HERC1: variants seen among roughly 807,000 people sequenced by gnomAD.
The protein encoded by HERC1 is HECT and RLD domain containing E3 ubiquitin protein ligase family member 1, also known as probable E3 ubiquitin-protein ligase HERC1.
A neutral mutation model predicts 554.3 loss-of-function variants in HERC1; 160 were observed. The ratio of observed to expected loss-of-function variants is 0.29; its 90% CI spans 0.25 to 0.33. HERC1 has a LOEUF of 0.33. HERC1 is among the 10% of genes least tolerant of loss of function. The pLI, the probability that HERC1 is intolerant of heterozygous loss-of-function variation, is 1.00. For missense variants in HERC1, 4,919 were observed against 5,918.5 expected (o/e 0.83, Z 5.54); for synonymous variants, 2,175 against 2,131.7 (o/e 1.02, Z -0.56).
rs1021647247 is a variant in HERC1, at chr15:63,688,932, T to C, written c.6048+657A>G. ...AGACACCCAGGCTAGCATTTAAGTT[T>C]GGAAGGCACTGCAGAGTGATCTTTT... On this transcript the variant is annotated intron_variant, in intron 33 of 77. Coordinates refer to ENST00000443617, the MANE Select transcript of HERC1 (RefSeq NM_003922.4). 2.0e-5 allele frequency among the ~76,000 whole-genome samples: 3 copies of C among 152,274 alleles called. No homozygotes were observed. In the South Asian group the frequency reaches 6.2e-4, roughly 32 times the overall value.
rs2071765477 is a variant in HERC1, at chr15:63,686,375, C to T, written c.6209G>A (p.Gly2070Glu). The change falls in exon 34 of 78, where the codon GGG (glycine) becomes GAG (glutamate). Residue 2070 changes from glycine (G) to glutamate (E), a missense_variant. Gly to Glu is a moderately conservative substitution (Grantham distance 98). Coordinates refer to ENST00000443617, the MANE Select transcript of HERC1 (RefSeq NM_003922.4). ...YGLASTGVTS[G>E]CYQWKFYIVK... ...TCTACGTACCTTCCACTGATAGCAC[C>T]CAGAAGTTACTCCTGTAGATGCCAA... is the stretch of plus-strand genomic sequence containing the variant. 2.2e-5 allele frequency: 35 copies of T among 1,607,890 alleles called. No individual in the cohort carries two copies. The highest frequency in any genetic ancestry group is 2.9e-5 in the Non-Finnish European group (34 of 1,177,986).
At chr15:63,771,596 T>C (rs2075959005) in intron 2 of HERC1, among the ~76,000 whole-genome samples, 1 of 151,882 alleles carries the variant, frequency 6.6e-6, no homozygotes, top group South Asian at 2.1e-4. Context: ...CATGCCTGGC[T>C]AATTTTTTTA....
chr15:63,628,536 G>A, intron 70 of HERC1, 141 bp downstream of exon 70: 2 of 850,944 alleles, frequency 2.4e-6, no homozygotes, highest in South Asian at 3.8e-5. Flanking sequence ...AGTGCTAGTA[G>A]CACAAAGAAT....
At chr15:63,688,466 C>T (rs956112319) in intron 33 of HERC1, among the ~76,000 whole-genome samples, 1 of 152,276 alleles carries the variant, frequency 6.6e-6, no homozygotes, top group Middle Eastern at 3.4e-3. Flanking sequence ...AATGCCAGAA[C>T]TTGAATTTAA....
chr15:63,677,970 A>C lies in HERC1; in HGVS notation c.6945T>G (p.Ala2315=). The change falls in exon 37 of 78, where the codon GCT becomes GCG. Residue 2315 remains alanine, a synonymous_variant. Transcript: ENST00000443617. The surrounding 1 kb of genome is among the most constrained non-coding windows in gnomAD (Gnocchi z 4.4). Reference sequence around the variant, plus strand: ...CACACCGACCTCCAACTCTAAGACCAGCATCAACTCCTCCTATCACAGCCA... The same window carrying C: ...CACACCGACCTCCAACTCTAAGACCCGCATCAACTCCTCCTATCACAGCCA... ...PVLAVIGGVD[A]GLRVGGRCVH... 6.2e-7 allele frequency: 1 copy of C among 1,614,000 alleles called. No individual in the cohort carries two copies. Among genetic ancestry groups the C allele is most frequent in the Non-Finnish European group, 8.5e-7 (1 of 1,179,890 alleles).
chr15:63,824,854 A>T (rs2077832064), intron 1 of HERC1, among the ~76,000 whole-genome samples: 1 of 152,156 alleles, frequency 6.6e-6, no homozygotes, highest in Non-Finnish European at 1.5e-5. Context: ...GAAAAAAAAA[A>T]AACACTAAAT....
chr15:63,800,832 A>T (rs2144752836), intron 1 of HERC1, among the ~76,000 whole-genome samples: 1 of 152,210 alleles, frequency 6.6e-6, no homozygotes, highest in Non-Finnish European at 1.5e-5. Context: ...TAATGAGGTG[A>T]CTCTTAGTGG....
intron 45 of HERC1, among the ~76,000 whole-genome samples, 186 bp downstream of exon 45, chr15:63,661,567 G>T (rs1393137157): frequency 3.9e-5 from 6 of 152,326 alleles, no homozygotes; most frequent in South Asian, 4.1e-4. Flanking sequence ...AGGATATGTT[G>T]CTATGCCATT....
chr15:63,821,382 AT>A (rs919944072), intron 1 of HERC1, among the ~76,000 whole-genome samples: 1 of 151,652 alleles, frequency 6.6e-6, no homozygotes, highest in Non-Finnish European at 1.5e-5. Context: ...GCAAAACCCC[AT>A]CTCTACTAAA....
At position 63,690,610 on chromosome 15, in the gene HERC1, A is replaced by G. The variant is rs761400639; in HGVS notation, c.5868T>C (p.Leu1956=). The change falls in exon 32 of 78, where the codon CTT becomes CTC. Residue 1956 remains leucine (L), a synonymous_variant. Transcript: ENST00000443617. ...GCACAGCTTCAAGGACATGAAGTGC[A>G]AGGAGCCTTGTTCTTAAGTTACCAA... ...PLVGNLRTRL[L]ALHVLEAVLP... The G allele has an allele frequency of 1.2e-6, 2 of 1,613,158 alleles. No homozygotes were observed. Among genetic ancestry groups the G allele is most frequent in the Non-Finnish European group, 8.5e-7 (1 of 1,179,230 alleles).
intron 1 of HERC1, among the ~76,000 whole-genome samples, chr15:63,790,697 TTA>T (rs989237545): frequency 1.3e-5 from 2 of 152,116 alleles, no homozygotes; most frequent in African/African-American, 4.8e-5. Flanking sequence ...ACTTTGTGTG[TTA>T]TGTTTCCCTT....
intron 50 of HERC1, among the ~76,000 whole-genome samples, chr15:63,655,105 G>A (rs986824846): frequency 6.6e-6 from 1 of 152,108 alleles, no homozygotes; most frequent in African/African-American, 2.4e-5. Flanking sequence ...TGTAATCTGA[G>A]GACTTTGGGA....
chr15:63,777,939 T>C (rs2143009379), intron 1 of HERC1, among the ~76,000 whole-genome samples: 1 of 152,346 alleles, frequency 6.6e-6, no homozygotes, highest in Admixed American at 6.5e-5. Context: ...AGTCCAATTT[T>C]ATTGTTTCCA....
intron 44 of HERC1, among the ~76,000 whole-genome samples, chr15:63,662,225 T>G (rs991337073): frequency 2.0e-5 from 3 of 152,108 alleles, no homozygotes; most frequent in African/African-American, 7.2e-5. Flanking sequence ...CTCACTCTAA[T>G]AAGTTATATC....
At chr15:63,665,513 G>A (rs1359317509) in intron 42 of HERC1, among the ~76,000 whole-genome samples, 3 of 151,964 alleles carry the variant, frequency 2.0e-5, no homozygotes, top group Non-Finnish European at 4.4e-5. Flanking sequence ...CCAGCCTGGC[G>A]ACAGAGCGAG....
intron 39 of HERC1, among the ~76,000 whole-genome samples, chr15:63,670,930 G>A (rs1056752472): frequency 6.6e-5 from 10 of 151,896 alleles, no homozygotes; most frequent in African/African-American, 2.2e-4. Context: ...GGCCAGGTGC[G>A]GTGGCTCACA....
At chr15:63,817,629 C>T (rs994259939) in intron 1 of HERC1, among the ~76,000 whole-genome samples, 1 of 152,132 alleles carries the variant, frequency 6.6e-6, no homozygotes, top group Admixed American at 6.5e-5. Context: ...GCACGAGAGT[C>T]GCTTGAACCC....
chr15:63,727,412 G>C lies in HERC1; in HGVS notation c.3346+235C>G, dbSNP rs2140850897. On this transcript the variant is annotated intron_variant, in intron 17 of 77. Coordinates refer to ENST00000443617, the MANE Select transcript of HERC1 (RefSeq NM_003922.4). The surrounding 1 kb of genome is among the most constrained non-coding windows in gnomAD (Gnocchi z 4.3). ...AACTGTATAATGTTAAAATAAGATA[G>C]GCCCTCAAGGTCATCTTTCCAACTC... is the stretch of plus-strand genomic sequence containing the variant. 6.6e-6 allele frequency among the ~76,000 whole-genome samples: 1 copy of C among 152,266 alleles called. No homozygotes were observed. The highest frequency in any genetic ancestry group is 1.9e-4 in the East Asian group (1 of 5,186).
intron 1 of HERC1, among the ~76,000 whole-genome samples, chr15:63,814,918 G>C (rs2077447182): frequency 6.6e-6 from 1 of 152,206 alleles, no homozygotes; most frequent in African/African-American, 2.4e-5. Flanking sequence ...ACTAATGTGA[G>C]CTATGATTAT....
Sources: allele counts gnomAD v4.1 joint callset (sites outside exome capture counted in the v4.1 genomes callset), GRCh38; gene constraint gnomAD v4.1.1; non-coding constraint Gnocchi (gnomAD v3.1); transcripts MANE v1.5; gene names NCBI Gene and HGNC (gene_info 2026-07-23, HGNC 2026-07-21).